The following ARHGEF10 variants were observed in gnomAD, a reference collection of about 807,000 sequenced individuals.
ARHGEF10 encodes the protein Rho guanine nucleotide exchange factor (GEF) 10.
Under a neutral mutation model 147.4 loss-of-function variants are expected in ARHGEF10, and 140 were observed. The observed-to-expected ratio is 0.95, with a 90% CI of 0.83 to 1.09. The LOEUF (loss-of-function observed/expected upper bound fraction) is 1.09. Among genes scored for constraint, ARHGEF10 ranks in the 50% least tolerant of loss-of-function variants. The pLI, the probability that ARHGEF10 is intolerant of heterozygous loss-of-function variation, is 0.00. For missense variants in ARHGEF10, 2,222 were observed against 1,752.7 expected (o/e 1.27, Z -4.78); for synonymous variants, 902 against 695.8 (o/e 1.30, Z -4.67).
intron 1 of ARHGEF10, among the ~76,000 whole-genome samples, chr8:1,835,691 G>A (rs181294970): frequency 6.6e-6 from 1 of 152,314 alleles, no homozygotes; most frequent in East Asian, 1.9e-4. Flanking sequence ...GAACGGCACA[G>A]ACAGCACAAT....
chr8:1,859,208 TGGCCATAGCACCTGC>T (rs1308690452), intron 3 of ARHGEF10, among the ~76,000 whole-genome samples: 9 of 152,024 alleles, frequency 5.9e-5, no homozygotes, highest in African/African-American at 1.9e-4. Flanking sequence ...GGTGTTTCTT[TGGCCATAGCACCTGC>T]CTCTCGGTTG....
chr8:1,851,843 G>A (rs959308147), intron 2 of ARHGEF10, among the ~76,000 whole-genome samples: 1 of 151,946 alleles, frequency 6.6e-6, no homozygotes, highest in African/African-American at 2.4e-5. Flanking sequence ...GAGCCCAGGA[G>A]GTCAAGGCTG....
chr8:1,925,340 A>G lies in ARHGEF10; in HGVS notation c.2546A>G (p.Lys849Arg), dbSNP rs1812603792. The change falls in exon 22 of 29, where the codon AAG (lysine) becomes AGG (arginine). Residue 849 changes from lysine to arginine, a missense_variant. Transcript: ENST00000349830. ...GAAGACGATGGGAATCACATTAAAAAGGAGAAGCATCCTCTCCTCGTCGGA... is the reference window on the plus strand; with the variant it reads ...GAAGACGATGGGAATCACATTAAAAGGGAGAAGCATCCTCTCCTCGTCGGA... ...CVEDDGNHIK[K>R]EKHPLLVGHM... 4.3e-6 allele frequency: 7 copies of G among 1,614,090 alleles called. No homozygotes were observed. The South Asian group carries it at 5.5e-5, about 13-fold the overall frequency.
chr8:1,867,163 A>G (rs996236198), intron 6 of ARHGEF10, among the ~76,000 whole-genome samples: 3 of 152,204 alleles, frequency 2.0e-5, no homozygotes, highest in Non-Finnish European at 4.4e-5. Context: ...CAAAACATTT[A>G]GTAGCCTCTT....
intron 23 of ARHGEF10, chr8:1,926,726 A>G (rs1812722498): frequency 3.8e-6 from 2 of 523,934 alleles, no homozygotes. Flanking sequence ...AGAGACAACT[A>G]ACTAATAAGA....
At chr8:1,859,137 G>C (rs79775786) in intron 3 of ARHGEF10, among the ~76,000 whole-genome samples, 27 of 97,530 alleles carry the variant, frequency 2.8e-4, no homozygotes, top group East Asian at 6.7e-4. Flanking sequence ...TGCGCAGCAC[G>C]CGCCTCTCTG....
intron 9 of ARHGEF10, among the ~76,000 whole-genome samples, chr8:1,881,065 G>T (rs1483452997): frequency 6.6e-6 from 1 of 152,220 alleles, no homozygotes; most frequent in Non-Finnish European, 1.5e-5. Flanking sequence ...CATGGGAGGG[G>T]TGTGTGAGCT....
rs1808070756 is a variant in ARHGEF10 at position 1,880,244 on chromosome 8, C to T, written c.960+80C>T. 7.2e-6 allele frequency: 7 copies of T among 973,090 alleles called. No individual in the cohort carries two copies. In the South Asian group the frequency reaches 7.7e-5, roughly 11 times the overall value. 60.3% of individuals were successfully genotyped at this position (973,090 alleles called of 1,614,324 possible). ...AACCGCGCGGCTCGGTCGGTCCTTG[C>T]TGTCTCAACAGCGGTTCTCAAAGGG... On this transcript the variant is annotated intron_variant, in intron 9 of 28. Transcript: ENST00000349830.
chr8:1,893,532 G>A (rs761175261), intron 11 of ARHGEF10, 37 bp from the exon 12 acceptor site: 40 of 1,346,238 alleles, frequency 3.0e-5, no homozygotes, highest in Non-Finnish European at 4.2e-5. Flanking sequence ...GTATTATAAA[G>A]CAGTTTTCTA....
intron 6 of ARHGEF10, among the ~76,000 whole-genome samples, chr8:1,867,410 T>C (rs952341311): frequency 3.9e-5 from 6 of 152,240 alleles, no homozygotes; most frequent in African/African-American, 1.2e-4. Flanking sequence ...TGCATCATTT[T>C]ATTTATAATC....
chr8:1,878,644 C>T (rs1807910506), intron 8 of ARHGEF10, among the ~76,000 whole-genome samples: 1 of 152,098 alleles, frequency 6.6e-6, no homozygotes, highest in Admixed American at 6.5e-5. Flanking sequence ...AAATGCTCTT[C>T]AGTTTCGCCT....
chr8:1,875,784 T>G (rs1807646514), intron 7 of ARHGEF10, among the ~76,000 whole-genome samples: 1 of 152,244 alleles, frequency 6.6e-6, no homozygotes, highest in African/African-American at 2.4e-5. Context: ...TGAATGTTAC[T>G]TATGTGCTGA....
chr8:1,951,366 C>T (rs1406518477), intron 27 of ARHGEF10, among the ~76,000 whole-genome samples: 4 of 152,242 alleles, frequency 2.6e-5, no homozygotes, highest in African/African-American at 9.6e-5. Flanking sequence ...GCTGTGGATT[C>T]ACTATCGCCC....
rs1460769677 is a variant in ARHGEF10 at position 1,864,246 on chromosome 8, AC to A, written c.482-124del. ...CTAAAAATTTTTAAGTTTATTAATC[AC>A]CCTTATGCTAAGATAAGCCTCTGAT... On this transcript the variant is annotated intron_variant, in intron 4 of 28. Transcript: ENST00000349830. 10 of 913,200 alleles carry A rather than the reference AC, an allele frequency of 1.1e-5. No homozygotes were observed. In the East Asian group the frequency reaches 2.5e-4, roughly 23 times the overall value. 56.6% of individuals were successfully genotyped at this position (913,200 alleles called of 1,614,324 possible). A position where few individuals can be genotyped will look rare whatever the true frequency, so the allele number is the denominator to read the frequency against.
At chr8:1,905,811 A>G in intron 17 of ARHGEF10, 95 bp downstream of exon 17, 3 of 1,519,230 alleles carry the variant, frequency 2.0e-6, no homozygotes, top group South Asian at 1.1e-5. Context: ...TGTCACTCAG[A>G]CTGAACTGGT....
At chr8:1,934,269 A>G (rs955176443) in intron 26 of ARHGEF10, among the ~76,000 whole-genome samples, 7 of 148,320 alleles carry the variant, frequency 4.7e-5, no homozygotes, top group African/African-American at 1.7e-4. Flanking sequence ...CAGGAGCATC[A>G]CTTGAGCCCA....
At chr8:1,887,505 T>C (rs551457860) in intron 11 of ARHGEF10, among the ~76,000 whole-genome samples, 1 of 133,650 alleles carries the variant, frequency 7.5e-6, no homozygotes, top group Admixed American at 7.3e-5. Flanking sequence ...GAGGGGTCTG[T>C]GAGGAGACCC....
chr8:1,866,182 G>T (rs1806595678), intron 5 of ARHGEF10, among the ~76,000 whole-genome samples: 1 of 152,126 alleles, frequency 6.6e-6, no homozygotes, highest in South Asian at 2.1e-4. Context: ...AGCGTTGTGA[G>T]CAGGGCCTAA....
intron 2 of ARHGEF10, among the ~76,000 whole-genome samples, chr8:1,846,097 G>A (rs1311021518): frequency 3.3e-5 from 5 of 152,218 alleles, no homozygotes; most frequent in Non-Finnish European, 7.3e-5. Flanking sequence ...TCCACAGTTC[G>A]CCACTGTTAA....
Sources: gnomAD v4.1 joint callset for allele counts (sites outside exome capture counted in the v4.1 genomes callset) on GRCh38, gnomAD v4.1.1 for gene constraint, MANE v1.5 for transcripts, NCBI Gene and HGNC (gene_info 2026-07-23, HGNC 2026-07-21) for gene names.